FNBP1: variants seen among roughly 807,000 people sequenced by gnomAD.
FNBP1 encodes formin binding protein 1.
FNBP1 carries 26 observed loss-of-function variants against 90.6 expected under a neutral mutation model. The ratio of observed to expected loss-of-function variants is 0.29; its 90% confidence interval spans 0.21 to 0.40. The LOEUF is 0.40. Among genes scored for constraint, FNBP1 ranks in the 10% least tolerant of loss-of-function variants. The probability of loss-of-function intolerance (pLI) is 1.00; values close to 1 mark genes in which losing one functional copy is unlikely to be tolerated. For synonymous variants in FNBP1, 260 were observed against 265.2 expected (o/e 0.98, Z 0.19); for missense variants, 635 against 768.0 (o/e 0.83, Z 2.05).
At chr9:129,985,085 C>T (rs922661881) in intron 2 of FNBP1, among the ~76,000 whole-genome samples, 2 of 152,056 alleles carry the variant, frequency 1.3e-5, no homozygotes, top group Non-Finnish European at 2.9e-5. Context: ...AAGCCAGGCC[C>T]TTTCGCGACC....
chr9:129,959,058 C>T (rs1220919425), intron 4 of FNBP1, among the ~76,000 whole-genome samples: 1 of 131,308 alleles, frequency 7.6e-6, no homozygotes, highest in Non-Finnish European at 1.6e-5. Flanking sequence ...GAATAGTCAT[C>T]ACAGATGAAA....
chr9:129,916,631 A>C (rs1045981197), intron 10 of FNBP1, among the ~76,000 whole-genome samples: 7 of 151,962 alleles, frequency 4.6e-5, no homozygotes, highest in Admixed American at 3.3e-4. Flanking sequence ...AAAAAACAAA[A>C]AAAAAAGAAA....
intron 6 of FNBP1, among the ~76,000 whole-genome samples, chr9:129,943,117 AGTT>A (rs1475155683): frequency 4.6e-5 from 7 of 152,122 alleles, no homozygotes; most frequent in Non-Finnish European, 8.8e-5. Context: ...CCCTGGATGA[AGTT>A]GTCTCTACCT....
rs927155603 is a variant in FNBP1, at chr9:130,042,279, G to A, written c.24+673C>T. Among the ~76,000 whole-genome samples, 1 of 152,118 alleles carries A rather than the reference G, an allele frequency of 6.6e-6. No individual in the cohort carries two copies. Among genetic ancestry groups the A allele is most frequent in the African/African-American group, 2.4e-5 (1 of 41,432 alleles). On this transcript the variant is annotated intron_variant, in intron 1 of 16. Transcript: ENST00000446176. This position sits in a 1 kb window ranked among gnomAD's most constrained non-coding sequence, Gnocchi z 5.5. ...AACGCCTCTTCCTGAGGTAGATCAC[G>A]TAAGATCTCTCCCTAACTCCCACTT...
At chr9:129,943,577 C>T (rs997361867) in intron 6 of FNBP1, among the ~76,000 whole-genome samples, 2 of 151,840 alleles carry the variant, frequency 1.3e-5, no homozygotes, top group African/African-American at 2.4e-5. Flanking sequence ...AGTAGAGATG[C>T]GGTTTCGCCA....
rs1322457969 is a variant in FNBP1, at chr9:130,041,067, G to T, written c.24+1885C>A. On this transcript the variant is annotated intron_variant, in intron 1 of 16. Coordinates refer to ENST00000446176, the MANE Select transcript of FNBP1 (RefSeq NM_015033.3). The surrounding 1 kb of genome is among the most constrained non-coding windows in gnomAD (Gnocchi z 4.3). ...CCCCAAGCTGTTCTTGAACTCCTGG[G>T]CCCAAAAGATCCTCCCGACTCAGCC... Among the ~76,000 whole-genome samples, 1 of 149,264 alleles carries T rather than the reference G, an allele frequency of 6.7e-6. No individual in the cohort carries two copies. Among genetic ancestry groups the T allele is most frequent in the African/African-American group, 2.5e-5 (1 of 40,454 alleles).
At chr9:129,963,874 G>A (rs891134899) in intron 4 of FNBP1, among the ~76,000 whole-genome samples, 8 of 152,128 alleles carry the variant, frequency 5.3e-5, no homozygotes, top group African/African-American at 1.7e-4. Context: ...CTCAGACTCC[G>A]AAAGTGCTGG....
At chr9:129,904,795 A>G (rs1181723210) in intron 12 of FNBP1, among the ~76,000 whole-genome samples, 2 of 151,996 alleles carry the variant, frequency 1.3e-5, no homozygotes, top group African/African-American at 2.4e-5. Context: ...CTCCTGTTAC[A>G]ATGGAAGCTC....
At chr9:129,917,875 A>G (rs1176282783) in intron 10 of FNBP1, among the ~76,000 whole-genome samples, 2 of 152,194 alleles carry the variant, frequency 1.3e-5, no homozygotes, top group Non-Finnish European at 2.9e-5. Context: ...ACTTATCACA[A>G]CTGGAATTCA....
chr9:130,020,860 C>T lies in FNBP1; in HGVS notation c.24+22092G>A, dbSNP rs957735387. 5.9e-5 allele frequency among the ~76,000 whole-genome samples: 9 copies of T among 152,008 alleles called. No individual in the cohort carries two copies. In the South Asian group the frequency reaches 6.2e-4, roughly 11 times the overall value. On this transcript the variant is annotated intron_variant, in intron 1 of 16. Transcript: ENST00000446176. ...GCCTTCGTTCCCATTGCAGGAACAACGGGGAATGTAAAATGAGATGGCCCC... is the reference window on the plus strand; with the variant it reads ...GCCTTCGTTCCCATTGCAGGAACAATGGGGAATGTAAAATGAGATGGCCCC...
intron 1 of FNBP1, among the ~76,000 whole-genome samples, chr9:130,036,615 T>C (rs942683545): frequency 6.6e-6 from 1 of 152,196 alleles, no homozygotes; most frequent in Non-Finnish European, 1.5e-5. Context: ...CATGGAGAAG[T>C]AAGGATGGCA....
chr9:129,996,252 C>A (rs1319639582), intron 1 of FNBP1, among the ~76,000 whole-genome samples: 3 of 152,148 alleles, frequency 2.0e-5, no homozygotes, highest in East Asian at 1.9e-4. Flanking sequence ...GGATCTCAAG[C>A]AACAGCCGAG....
At chr9:129,964,258 C>T (rs1222674252) in intron 4 of FNBP1, among the ~76,000 whole-genome samples, 1 of 152,094 alleles carries the variant, frequency 6.6e-6, no homozygotes, top group African/African-American at 2.4e-5. Flanking sequence ...AGGAATTGTT[C>T]TCCGGACAAA....
At chr9:129,955,639 T>C (rs1477214285) in intron 6 of FNBP1, among the ~76,000 whole-genome samples, 1 of 151,876 alleles carries the variant, frequency 6.6e-6, no homozygotes, top group African/African-American at 2.4e-5. Flanking sequence ...GAGGATCACT[T>C]GAGCCCTGAA....
Position 129,966,732 on chromosome 9 carries a change from A to AAACAAC in FNBP1, c.346-8185_346-8180dup, listed in dbSNP as rs550427768. On this transcript the variant is annotated intron_variant, in intron 4 of 16. Coordinates refer to ENST00000446176, the MANE Select transcript of FNBP1 (RefSeq NM_015033.3). This position sits in a 1 kb window ranked among gnomAD's most constrained non-coding sequence, Gnocchi z 4.3. ...TGGGTGATGGAGCGAGACTCCGTCT[A>AAACAAC]AACAACAACAACAACAACAACAACA... Among the ~76,000 whole-genome samples the AAACAAC allele has an allele frequency of 8.8e-3, 1,326 of 151,234 alleles. 14 individuals are homozygous for AAACAAC. Among genetic ancestry groups the AAACAAC allele is most frequent in the African/African-American group, 0.024 (989 of 41,182 alleles).
rs1054554952 is a variant in FNBP1, at chr9:129,889,359, C to T, written c.*1180G>A. ...CTGAGGCGGGCGGATCACCTGAGGT[C>T]AGGAGTTTGAGACCAGCCTGACCAA... On this transcript the variant is annotated 3_prime_UTR_variant, in exon 17 of 17. Transcript: ENST00000446176. The T allele has an allele frequency of 5.5e-6, 1 of 180,398 alleles. No individual in the cohort carries two copies. Among genetic ancestry groups the T allele is most frequent in the Admixed American group, 6.3e-5 (1 of 15,876 alleles). The allele number at this position is 180,398 out of a possible 1,614,324, so 11.2% of individuals were successfully genotyped here. A position where few individuals can be genotyped will look rare whatever the true frequency, so the allele number is the denominator to read the frequency against.
chr9:130,007,928 G>A (rs916975275), intron 1 of FNBP1, among the ~76,000 whole-genome samples: 6 of 149,918 alleles, frequency 4.0e-5, no homozygotes, highest in Middle Eastern at 3.4e-3. Context: ...AACCTGGGAG[G>A]TGGAGGTTGC....
At chr9:130,040,349 T>TG (rs1398257924) in intron 1 of FNBP1, among the ~76,000 whole-genome samples, 10 of 152,210 alleles carry the variant, frequency 6.6e-5, no homozygotes, top group African/African-American at 2.4e-4. Flanking sequence ...TCAAGCGTGG[T>TG]GGCTCACGCC....
At chr9:130,007,965 T>A (rs570306778) in intron 1 of FNBP1, among the ~76,000 whole-genome samples, 17 of 133,400 alleles carry the variant, frequency 1.3e-4, no homozygotes, top group Admixed American at 3.4e-4. Context: ...ACCACTGCAC[T>A]CCAGCTTGGG....
Sources: gnomAD v4.1 joint callset for allele counts (sites outside exome capture counted in the v4.1 genomes callset) on GRCh38, gnomAD v4.1.1 for gene constraint, Gnocchi (gnomAD v3.1) non-coding constraint, MANE v1.5 for transcripts, NCBI Gene and HGNC (gene_info 2026-07-23, HGNC 2026-07-21) for gene names.